The following EPHB1 variants were observed in gnomAD, a reference collection of about 807,000 sequenced individuals.
EPHB1 encodes ephrin type-B receptor 1.
In EPHB1, 30 loss-of-function variants were observed where a neutral mutation model predicts 94.4. The observed-to-expected ratio is 0.32, with a 90% CI of 0.24 to 0.43. EPHB1 has a LOEUF of 0.43. EPHB1 is among the 20% of genes least tolerant of loss of function. The pLI, the probability that EPHB1 is intolerant of heterozygous loss-of-function variation, is 1.00. For synonymous variants in EPHB1, 522 were observed against 489.1 expected, an observed-to-expected ratio of 1.07 and a Z score of -0.89; for missense variants, 1,055 against 1,308.3, an observed-to-expected ratio of 0.81 and a Z score of 2.99.
intron 13 of EPHB1, among the ~76,000 whole-genome samples, chr3:135,242,841 G>A (rs939547915): frequency 1.8e-4 from 27 of 152,126 alleles, no homozygotes; most frequent in Non-Finnish European, 1.8e-4. Flanking sequence ...ACCTTGGAAG[G>A]TGGAGGCAGG....
intron 15 of EPHB1, among the ~76,000 whole-genome samples, chr3:135,258,759 A>G (rs1312289993): frequency 6.6e-6 from 1 of 152,232 alleles, no homozygotes; most frequent in African/African-American, 2.4e-5. Context: ...GAGCCCGTAC[A>G]TAAGGAACAC....
chr3:135,218,917 A>G lies in EPHB1; in HGVS notation c.2346+17228A>G, dbSNP rs868621128. ...GCCCAAGGACGAAAAGGGGTTAATT[A>G]GGGGAAGAGCATGGCCAGTGCCTCC... is the stretch of plus-strand genomic sequence containing the variant. On this transcript the variant is annotated intron_variant, in intron 12 of 15. Coordinates refer to ENST00000398015, the MANE Select transcript of EPHB1 (RefSeq NM_004441.5). Among the ~76,000 whole-genome samples the G allele has an allele frequency of 5.3e-5, 8 of 152,354 alleles. No individual in the cohort carries two copies. In the South Asian group the frequency reaches 6.2e-4, roughly 12 times the overall value.
In EPHB1 at chr3:135,191,714, GT is replaced by G. The variant is rs1942461697; in HGVS notation, c.1883-859del. ...CTCTTGGTGACTTTACTGTGAAAAT[GT>G]TTCAACGCTGTGGCATGCATGGAGG... On this transcript the variant is annotated intron_variant, in intron 10 of 15. Transcript: ENST00000398015. Among the ~76,000 whole-genome samples the G allele has an allele frequency of 2.0e-5, 3 of 151,718 alleles. No individual in the cohort carries two copies. The South Asian group carries it at 6.2e-4, about 32-fold the overall frequency.
chr3:134,851,364 C>G (rs770754235), intron 1 of EPHB1, among the ~76,000 whole-genome samples: 1 of 152,118 alleles, frequency 6.6e-6, no homozygotes, highest in Admixed American at 6.5e-5. Context: ...CCCTTTGACC[C>G]GGATCCCCAT....
intron 3 of EPHB1, among the ~76,000 whole-genome samples, chr3:135,014,008 G>C (rs113988791): frequency 5.6e-4 from 86 of 152,244 alleles, no homozygotes; most frequent in African/African-American, 2.0e-3. Flanking sequence ...GGGAGCCATG[G>C]GGATGGGATT....
chr3:134,908,449 A>C (rs140804367), intron 1 of EPHB1, among the ~76,000 whole-genome samples: 63 of 152,290 alleles, frequency 4.1e-4, no homozygotes, highest in African/African-American at 1.5e-3. Context: ...CCTGCAGGGA[A>C]GGGGATTTGT....
chr3:135,182,914 G>T (rs980164253), intron 10 of EPHB1, among the ~76,000 whole-genome samples: 1 of 151,946 alleles, frequency 6.6e-6, no homozygotes, highest in Non-Finnish European at 1.5e-5. Context: ...TCATGGGAAT[G>T]GGCAAATGCT....
intron 3 of EPHB1, among the ~76,000 whole-genome samples, chr3:135,059,234 G>A (rs548089286): frequency 6.6e-6 from 1 of 152,330 alleles, no homozygotes; most frequent in Non-Finnish European, 1.5e-5. Context: ...TACTACAGAA[G>A]GAGCCCTTTC....
At chr3:135,057,762 A>G (rs978848182) in intron 3 of EPHB1, among the ~76,000 whole-genome samples, 10 of 152,226 alleles carry the variant, frequency 6.6e-5, no homozygotes, top group African/African-American at 2.4e-4. Context: ...ATATGTGTAC[A>G]TATATCTGTA....
intron 1 of EPHB1, among the ~76,000 whole-genome samples, chr3:134,902,157 G>T (rs1025115170): frequency 5.3e-5 from 8 of 152,190 alleles, no homozygotes; most frequent in African/African-American, 1.7e-4. Flanking sequence ...CGAGACAGTA[G>T]TTAGGGGCTG....
At chr3:135,061,989 G>A (rs1937518046) in intron 3 of EPHB1, among the ~76,000 whole-genome samples, 1 of 152,138 alleles carries the variant, frequency 6.6e-6, no homozygotes, top group South Asian at 2.1e-4. Context: ...TCTTAACCCA[G>A]TCTATCATTG....
chr3:134,838,023 A>T (rs2036706987), intron 1 of EPHB1, among the ~76,000 whole-genome samples: 1 of 152,048 alleles, frequency 6.6e-6, no homozygotes, highest in Admixed American at 6.5e-5. Context: ...GCAGAACAGG[A>T]GTGCTGCCTG....
chr3:135,097,149 G>A (rs1247098909), intron 3 of EPHB1, among the ~76,000 whole-genome samples: 34 of 143,734 alleles, frequency 2.4e-4, no homozygotes, highest in East Asian at 1.8e-3. Context: ...AGGCTTCAAC[G>A]TATGATTTTT....
intron 3 of EPHB1, among the ~76,000 whole-genome samples, chr3:134,968,435 T>C (rs2107725659): frequency 6.6e-6 from 1 of 152,302 alleles, no homozygotes; most frequent in African/African-American, 2.4e-5. Context: ...GTATATAAAA[T>C]ATTTTAAAGT....
intron 5 of EPHB1, among the ~76,000 whole-genome samples, chr3:135,135,686 C>G (rs1045778648): frequency 1.3e-5 from 2 of 152,154 alleles, no homozygotes; most frequent in African/African-American, 4.8e-5. Flanking sequence ...GGTATGACCC[C>G]TCTCTGTGCC....
intron 10 of EPHB1, among the ~76,000 whole-genome samples, chr3:135,185,799 G>A (rs938067478): frequency 3.3e-5 from 5 of 152,194 alleles, no homozygotes; most frequent in Non-Finnish European, 5.9e-5. Context: ...CATTGCTTCC[G>A]ATGGCATTTT....
intron 1 of EPHB1, among the ~76,000 whole-genome samples, chr3:134,835,673 T>A (rs925745926): frequency 6.6e-6 from 1 of 152,124 alleles, no homozygotes; most frequent in African/African-American, 2.4e-5. Flanking sequence ...AGGTGGGACA[T>A]ACATTGGAGT....
At chr3:135,188,230 T>G (rs1219799809) in intron 10 of EPHB1, among the ~76,000 whole-genome samples, 1 of 148,946 alleles carries the variant, frequency 6.7e-6, no homozygotes, top group Non-Finnish European at 1.5e-5. Context: ...GGAGTGATGG[T>G]TCACACCTGT....
intron 12 of EPHB1, among the ~76,000 whole-genome samples, chr3:135,212,082 C>A (rs948393899): frequency 1.3e-5 from 2 of 152,022 alleles, no homozygotes; most frequent in Admixed American, 1.3e-4. Flanking sequence ...TATCATTTGC[C>A]ATCTTTGTTT....
Sources: gnomAD v4.1 joint callset for allele counts (sites outside exome capture counted in the v4.1 genomes callset) on GRCh38, gnomAD v4.1.1 for gene constraint, MANE v1.5 for transcripts, NCBI Gene and HGNC (gene_info 2026-07-23, HGNC 2026-07-21) for gene names.